The following AP2A2 variants were observed in gnomAD, a reference collection of about 807,000 sequenced individuals.
AP2A2 encodes the protein AP-2 complex subunit alpha-2.
Under a neutral mutation model 104.2 loss-of-function variants are expected in AP2A2, and 32 were observed. That is an observed-to-expected ratio of 0.31 (90% CI 0.23 to 0.41). The LOEUF (loss-of-function observed/expected upper bound fraction) is 0.41, where lower values mean the gene tolerates loss of function less well. AP2A2 is among the 10% of genes least tolerant of loss of function. The pLI is 1.00. For synonymous variants in AP2A2, 539 were observed against 533.3 expected (o/e 1.01, Z -0.15); for missense variants, 912 against 1,261.0 (o/e 0.72, Z 4.19).
chr11:965,900 G>A (rs577671998), intron 2 of AP2A2, among the ~76,000 whole-genome samples: 28 of 152,300 alleles, frequency 1.8e-4, no homozygotes, highest in Non-Finnish European at 3.7e-4. Context: ...GAGTGCTGTG[G>A]CATGATCCTA....
At chr11:944,422 A>G (rs1279848421) in intron 1 of AP2A2, among the ~76,000 whole-genome samples, 1 of 152,242 alleles carries the variant, frequency 6.6e-6, no homozygotes, top group Admixed American at 6.5e-5. Context: ...GGGAAAAAAC[A>G]ACTCCGTGTT....
Position 1,009,197 on chromosome 11 carries a change from C to T in AP2A2, c.2518C>T (p.Arg840Cys), listed in dbSNP as rs369140473. The T allele has an allele frequency of 9.9e-6, 16 of 1,613,570 alleles. No homozygotes were observed. Among genetic ancestry groups the T allele is most frequent in the Non-Finnish European group, 1.4e-5 (16 of 1,179,840 alleles). ...AATGGCTTCTCAGGATTTCTTTCAACGTTGGAAGCAGTTGAGCAAGTGAGA... is the reference window on the plus strand; with the variant it reads ...AATGGCTTCTCAGGATTTCTTTCAATGTTGGAAGCAGTTGAGCAAGTGAGA... ...TEMASQDFFQ[R>C]WKQLSNPQQE... The change falls in exon 19 of 22, where the codon CGT (arginine) becomes TGT (cysteine). Residue 840 changes from arginine to cysteine, a missense_variant. Coordinates refer to ENST00000448903, the MANE Select transcript of AP2A2 (RefSeq NM_012305.4).
chr11:949,307 C>CT (rs1853957232), intron 1 of AP2A2, among the ~76,000 whole-genome samples: 1 of 151,764 alleles, frequency 6.6e-6, no homozygotes, highest in South Asian at 2.1e-4. Context: ...CCTTTACAAA[C>CT]TCTTTGGAAA....
At chr11:976,705 G>C (rs1855052887) in intron 4 of AP2A2, among the ~76,000 whole-genome samples, 1 of 152,150 alleles carries the variant, frequency 6.6e-6, no homozygotes, top group Non-Finnish European at 1.5e-5. Context: ...GGGTGGGCGT[G>C]GGGCAGGGGA....
chr11:944,142 G>A (rs1320174630), intron 1 of AP2A2, among the ~76,000 whole-genome samples: 8 of 152,220 alleles, frequency 5.3e-5, no homozygotes, highest in Non-Finnish European at 1.2e-4. Flanking sequence ...CGGACAGGTC[G>A]ACAGGATGGA....
chr11:1,003,836 T>C, intron 16 of AP2A2, 32 bp downstream of exon 16: 1 of 1,416,580 alleles, frequency 7.1e-7, no homozygotes. Context: ...TGAAACTGTC[T>C]CTTAGAAATA....
chr11:954,446 GTATA>G (rs1564790987), intron 1 of AP2A2, among the ~76,000 whole-genome samples: 1 of 151,724 alleles, frequency 6.6e-6, no homozygotes, highest in Non-Finnish European at 1.5e-5. Context: ...GTGTATGTAT[GTATA>G]TGTGTATATA....
At chr11:947,732 G>A (rs1208982221) in intron 1 of AP2A2, among the ~76,000 whole-genome samples, 2 of 152,176 alleles carry the variant, frequency 1.3e-5, no homozygotes, top group African/African-American at 2.4e-5. Context: ...GGGAGACCAA[G>A]GTGGGAGGGT....
At chr11:938,664 C>T (rs921243035) in intron 1 of AP2A2, among the ~76,000 whole-genome samples, 2 of 151,764 alleles carry the variant, frequency 1.3e-5, no homozygotes, top group African/African-American at 2.4e-5. Flanking sequence ...TTAGTAGAGA[C>T]GGGGTTTCAC....
intron 10 of AP2A2, 41 bp downstream of exon 10, chr11:988,730 G>T (rs1473268372): frequency 6.2e-7 from 1 of 1,607,040 alleles, no homozygotes; most frequent in Non-Finnish European, 8.5e-7. Flanking sequence ...TGCCACAGGC[G>T]TGAATCTCAG....
At chr11:940,671 C>G (rs960566259) in intron 1 of AP2A2, 14 of 371,160 alleles carry the variant, frequency 3.8e-5, no homozygotes, top group Admixed American at 1.4e-4. Context: ...TGTCTCATTG[C>G]TTTGAATGCC....
chr11:997,867 T>G (rs1855903526), intron 14 of AP2A2, among the ~76,000 whole-genome samples: 1 of 152,174 alleles, frequency 6.6e-6, no homozygotes, highest in African/African-American at 2.4e-5. Context: ...ATTGCACCAC[T>G]GCACTCCAGC....
At chr11:927,785 C>T (rs1853165848) in intron 1 of AP2A2, among the ~76,000 whole-genome samples, 1 of 123,700 alleles carries the variant, frequency 8.1e-6, no homozygotes, top group African/African-American at 3.1e-5. Context: ...CGCCATACTC[C>T]AGCCTGGGTG....
intron 1 of AP2A2, among the ~76,000 whole-genome samples, chr11:937,671 A>G (rs1029750196): frequency 1.3e-5 from 2 of 152,214 alleles, no homozygotes; most frequent in African/African-American, 4.8e-5. Flanking sequence ...AACCCTATGT[A>G]TAAAAAAGGA....
intron 6 of AP2A2, among the ~76,000 whole-genome samples, chr11:983,539 T>C (rs552830390): frequency 0.016 from 2,384 of 151,822 alleles, 35 homozygotes; most frequent in African/African-American, 0.044. Context: ...CCCGCCACCA[T>C]GCCTGGCTAA....
Position 1,000,347 on chromosome 11 carries a change from G to C in AP2A2, c.1957-85G>C, listed in dbSNP as rs1855989522. On this transcript the variant is annotated intron_variant, in intron 14 of 21. Transcript: ENST00000448903. ...TGCATGGATGCCAAGGGGGTGCCATGGGGGAGGACGTGCAGGCGTGAGCTG... is the reference window on the plus strand; with the variant it reads ...TGCATGGATGCCAAGGGGGTGCCATCGGGGAGGACGTGCAGGCGTGAGCTG... 4 of 1,379,814 alleles carry C rather than the reference G, an allele frequency of 2.9e-6. No individual in the cohort carries two copies. In the South Asian group the frequency reaches 5.0e-5, roughly 17 times the overall value. The allele number at this position is 1,379,814 out of a possible 1,614,324, so 85.5% of individuals were successfully genotyped here.
rs567763361 is a variant in AP2A2, at chr11:931,018, C to A, written c.67+4930C>A. 1.7e-3 allele frequency among the ~76,000 whole-genome samples: 263 copies of A among 152,266 alleles called. 4 individuals carry two copies. The highest frequency in any genetic ancestry group is 6.1e-3 in the African/African-American group (255 of 41,550). Reference sequence around the variant, plus strand: ...ACCTCAGTCAAGATACAGAACTATACCATCATCACAAAGCTACCCCTTATA... The same window carrying A: ...ACCTCAGTCAAGATACAGAACTATAACATCATCACAAAGCTACCCCTTATA... On this transcript the variant is annotated intron_variant, in intron 1 of 21. Coordinates refer to ENST00000448903, the MANE Select transcript of AP2A2 (RefSeq NM_012305.4).
intron 1 of AP2A2, among the ~76,000 whole-genome samples, chr11:935,230 A>AT (rs544339984): frequency 2.0e-4 from 30 of 151,570 alleles, no homozygotes; most frequent in African/African-American, 6.3e-4. Flanking sequence ...TAATTTTTGT[A>AT]TTTTTTTTAG....
intron 4 of AP2A2, among the ~76,000 whole-genome samples, chr11:973,559 C>T (rs1406403511): frequency 6.6e-6 from 1 of 152,264 alleles, no homozygotes; most frequent in Admixed American, 6.5e-5. Flanking sequence ...GGGGAGCAGG[C>T]GCAGTGCCTG....
Sources: allele counts gnomAD v4.1 joint callset (sites outside exome capture counted in the v4.1 genomes callset), GRCh38; gene constraint gnomAD v4.1.1; transcripts MANE v1.5; gene names NCBI Gene and HGNC (gene_info 2026-07-23, HGNC 2026-07-21).